Variants in RAC3 observed in about 807,000 individuals in gnomAD.
The protein encoded by RAC3 is Rac family small GTPase 3, also known as ras-related C3 botulinum toxin substrate 3.
Under a neutral mutation model 19.0 loss-of-function variants are expected in RAC3, and 9 were observed. The ratio of observed to expected loss-of-function variants is 0.47; its 90% CI spans 0.29 to 0.83. RAC3 has a LOEUF of 0.83. RAC3 is among the 40% of genes least tolerant of loss of function. The pLI is 0.09. For missense variants in RAC3, 203 were observed against 260.8 expected (o/e 0.78, Z 1.53); for synonymous variants, 146 against 111.8 (o/e 1.31, Z -1.93).
Position 82,033,702 on chromosome 17 carries a change from CTG to C in RAC3, c.455_456del (p.Val152GlufsTer18). The C allele has an allele frequency of 6.2e-7, 1 of 1,612,442 alleles. No homozygotes were observed. Among genetic ancestry groups the C allele is most frequent in the Non-Finnish European group, 8.5e-7 (1 of 1,179,378 alleles). On this transcript the variant is annotated frameshift_variant, in exon 6 of 6. Coordinates refer to ENST00000306897, the MANE Select transcript of RAC3 (RefSeq NM_005052.3). LOFTEE classifies it high-confidence loss of function. The surrounding 1 kb of genome is among the most constrained non-coding windows in gnomAD (Gnocchi z 6.2). ...CTCCCCTCCTCACTGCCGCTAGGCT[CTG>C]TGAAATACCTGGAGTGCTCAGCCCT...
At chr17:82,031,828 G>A in intron 1 of RAC3, 32 bp downstream of exon 1, 1 of 978,520 alleles carries the variant, frequency 1.0e-6, no homozygotes, top group Non-Finnish European at 1.2e-6. Context: ...CGCTTGGCTG[G>A]GCTGGGCGGG....
chr17:82,033,369 G>A lies in RAC3; in HGVS notation c.289-71G>A, dbSNP rs2043451911. On this transcript the variant is annotated intron_variant, in intron 4 of 5. Transcript: ENST00000306897. The surrounding 1 kb of genome is among the most constrained non-coding windows in gnomAD (Gnocchi z 6.2). The stretch of plus-strand genomic sequence containing the variant: ...GGAACAGTGGGGAAAGTCCCTGAGG[G>A]CCGTGACTTGCTCAGGTGGGGCTGG... 2 of 1,455,384 alleles carry A rather than the reference G, an allele frequency of 1.4e-6. No homozygotes were observed. The highest frequency in any genetic ancestry group is 2.5e-4 in the Middle Eastern group (1 of 4,034). The allele number at this position is 1,455,384 out of a possible 1,614,324, so 90.2% of individuals were successfully genotyped here.
intron 1 of RAC3, 82 bp downstream of exon 1, chr17:82,031,878 G>C (rs1215016345): frequency 6.6e-6 from 5 of 760,098 alleles, no homozygotes; most frequent in Non-Finnish European, 8.0e-6. Context: ...GGGGCGGGGC[G>C]GGGGTGGCGC....
chr17:82,033,881 T>A lies in RAC3; in HGVS notation c.*52T>A, dbSNP rs918572318. On this transcript the variant is annotated 3_prime_UTR_variant, in exon 6 of 6. Coordinates refer to ENST00000306897, the MANE Select transcript of RAC3 (RefSeq NM_005052.3). The surrounding 1 kb of genome is among the most constrained non-coding windows in gnomAD (Gnocchi z 6.2). ...CTGGCGGGGAGCAGCCCTGGACGTG[T>A]CCGCTGTTGTGTTGAGACGTGTGGT... 11 of 1,532,208 alleles carry A rather than the reference T, an allele frequency of 7.2e-6. No homozygotes were observed. The highest frequency in any genetic ancestry group is 3.7e-4 in the Middle Eastern group (2 of 5,372). The allele number at this position is 1,532,208 out of a possible 1,614,324, so 94.9% of individuals were successfully genotyped here. A position where few individuals can be genotyped will look rare whatever the true frequency, so the allele number is the denominator to read the frequency against.
chr17:82,033,298 C>A lies in RAC3; in HGVS notation c.289-142C>A. ...TGTTCCTGGTATCTCCCCACCAAATCCGCCCCTGGTCACCCCTTGAAGGAA... is the reference window on the plus strand; with the variant it reads ...TGTTCCTGGTATCTCCCCACCAAATACGCCCCTGGTCACCCCTTGAAGGAA... On this transcript the variant is annotated intron_variant, in intron 4 of 5. Transcript: ENST00000306897. The surrounding 1 kb of genome is among the most constrained non-coding windows in gnomAD (Gnocchi z 6.2). 1 of 1,069,900 alleles carries A rather than the reference C, an allele frequency of 9.3e-7. No individual in the cohort carries two copies. Among genetic ancestry groups the A allele is most frequent in the Non-Finnish European group, 1.3e-6 (1 of 765,300 alleles). The allele number at this position is 1,069,900 out of a possible 1,614,324, so 66.3% of individuals were successfully genotyped here.
chr17:82,033,975 C>A lies in RAC3; in HGVS notation c.*146C>A. On this transcript the variant is annotated 3_prime_UTR_variant, in exon 6 of 6. Coordinates refer to ENST00000306897, the MANE Select transcript of RAC3 (RefSeq NM_005052.3). This position sits in a 1 kb window ranked among gnomAD's most constrained non-coding sequence, Gnocchi z 6.2. ...GAAGCATGGGGATGAGGCTGGGTGGCAGGATCCTGTCCTCTCTGCCGCCTC... is the reference window on the plus strand; with the variant it reads ...GAAGCATGGGGATGAGGCTGGGTGGAAGGATCCTGTCCTCTCTGCCGCCTC... 8.9e-7 allele frequency: 1 copy of A among 1,121,344 alleles called. No homozygotes were observed. The highest frequency in any genetic ancestry group is 1.2e-6 in the Non-Finnish European group (1 of 804,898). 69.5% of individuals were successfully genotyped at this position (1,121,344 alleles called of 1,614,324 possible). A position where few individuals can be genotyped will look rare whatever the true frequency, so the allele number is the denominator to read the frequency against.
intron 2 of RAC3, 111 bp downstream of exon 2, chr17:82,032,569 C>T: frequency 2.1e-6 from 3 of 1,457,394 alleles, no homozygotes; most frequent in South Asian, 1.2e-5. Context: ...GTGGCCCTGT[C>T]TCTGGGCTTC....
In RAC3 at chr17:82,033,706, G is replaced by A. The variant is rs769229631; in HGVS notation, c.456G>A (p.Val152=). The A allele has an allele frequency of 6.2e-7, 1 of 1,612,560 alleles. No homozygotes were observed. The highest frequency in any genetic ancestry group is 8.5e-7 in the Non-Finnish European group (1 of 1,179,464). Residue 152 remains valine, a synonymous_variant, in exon 6 of 6, where the codon GTG becomes GTA. Transcript: ENST00000306897. This position sits in a 1 kb window ranked among gnomAD's most constrained non-coding sequence, Gnocchi z 6.2. ...CCTCCTCACTGCCGCTAGGCTCTGT[G>A]AAATACCTGGAGTGCTCAGCCCTGA... ...GLAMAREIGS[V]KYLECSALTQ... is the part of the protein sequence containing the mutation.
Position 82,032,435 on chromosome 17 carries a change from C to T in RAC3, c.84C>T (p.Phe28=). 1 of 1,613,072 alleles carries T rather than the reference C, an allele frequency of 6.2e-7. No homozygotes were observed. Among genetic ancestry groups the T allele is most frequent in the Non-Finnish European group, 8.5e-7 (1 of 1,179,976 alleles). Residue 28 remains phenylalanine (F), a synonymous_variant, in exon 2 of 6, where the codon TTC becomes TTT. Coordinates refer to ENST00000306897, the MANE Select transcript of RAC3 (RefSeq NM_005052.3). The part of the protein sequence containing the change: ...CLLISYTTNA[F]PGEYIPTVFD... Reference sequence around the variant, plus strand: ...TGATCAGCTACACGACCAACGCCTTCCCCGGAGAGTACATCCCCACCGTGT... The same window carrying T: ...TGATCAGCTACACGACCAACGCCTTTCCCGGAGAGTACATCCCCACCGTGT...
Position 82,032,153 on chromosome 17 carries a change from G to C in RAC3, c.36-234G>C. The C allele has an allele frequency of 7.1e-6, 4 of 561,242 alleles. No homozygotes were observed. In the South Asian group the frequency reaches 8.8e-5, roughly 12 times the overall value. 34.8% of individuals were successfully genotyped at this position (561,242 alleles called of 1,614,324 possible). On this transcript the variant is annotated intron_variant, in intron 1 of 5. Coordinates refer to ENST00000306897, the MANE Select transcript of RAC3 (RefSeq NM_005052.3). ...CGCCACCCTCGGAGTCGGGGCCTCT[G>C]CCTGGGGCCCCAGTGTGGGGCGCCC...
In RAC3 at chr17:82,033,521, G is replaced by A. The variant is rs1568019366; in HGVS notation, c.370G>A (p.Asp124Asn). Residue 124 changes from aspartate to asparagine, a missense_variant, in exon 5 of 6, where the codon GAC (aspartate) becomes AAC (asparagine). This residue lies in a region of RAC3 where 142 missense variants were observed against 158.2 expected (regional missense o/e 0.90). Coordinates refer to ENST00000306897, the MANE Select transcript of RAC3 (RefSeq NM_005052.3). This position sits in a 1 kb window ranked among gnomAD's most constrained non-coding sequence, Gnocchi z 6.2. ...CAAGCTGGACCTCCGCGACGACAAGGACACCATTGAGCGGCTGCGGGACAA... is the reference window on the plus strand; with the variant it reads ...CAAGCTGGACCTCCGCGACGACAAGAACACCATTGAGCGGCTGCGGGACAA... ...GTKLDLRDDK[D>N]TIERLRDKKL... 1 of 1,612,942 alleles carries A rather than the reference G, an allele frequency of 6.2e-7. No individual in the cohort carries two copies. The highest frequency in any genetic ancestry group is 1.7e-5 in the Admixed American group (1 of 60,006).
intron 1 of RAC3, 48 bp from the exon 2 acceptor site, chr17:82,032,339 A>G (rs1304854197): frequency 6.3e-7 from 1 of 1,590,368 alleles, no homozygotes; most frequent in African/African-American, 1.3e-5. Flanking sequence ...TGCTGGGCAG[A>G]GGGTCCGAGG....
intron 3 of RAC3, 50 bp from the exon 4 acceptor site, chr17:82,032,897 G>C: frequency 6.2e-7 from 1 of 1,610,438 alleles, no homozygotes; most frequent in East Asian, 2.2e-5. Flanking sequence ...GAGGGAGCAG[G>C]GCCCTGGGGA....
rs372849049 is a variant in RAC3 at position 82,033,805 on chromosome 17, G to T, written c.555G>T (p.Pro185=). 1 of 1,608,146 alleles carries T rather than the reference G, an allele frequency of 6.2e-7. No individual in the cohort carries two copies. The highest frequency in any genetic ancestry group is 1.1e-5 in the South Asian group (1 of 90,508). Residue 185 remains proline (P), a synonymous_variant, in exon 6 of 6, where the codon CCG becomes CCT. Coordinates refer to ENST00000306897, the MANE Select transcript of RAC3 (RefSeq NM_005052.3). This position sits in a 1 kb window ranked among gnomAD's most constrained non-coding sequence, Gnocchi z 6.2. ...TCTGCCCGCCCCCAGTGAAGAAGCCGGGGAAGAAGTGCACCGTCTTCTAGA... is the reference window on the plus strand; with the variant it reads ...TCTGCCCGCCCCCAGTGAAGAAGCCTGGGAAGAAGTGCACCGTCTTCTAGA... ...AVLCPPPVKK[P]GKKCTVF
In RAC3 at chr17:82,032,758, A is replaced by G. The variant is rs1282390054; in HGVS notation, c.155A>G (p.Asn52Ser). The G allele has an allele frequency of 6.2e-7, 1 of 1,613,022 alleles. No individual in the cohort carries two copies. The highest frequency in any genetic ancestry group is 1.3e-5 in the African/African-American group (1 of 74,942). Reference sequence around the variant, plus strand: ...GTGATGGTGGACGGGAAACCAGTCAACTTGGGGCTGTGGGACACAGCGGGT... The same window carrying G: ...GTGATGGTGGACGGGAAACCAGTCAGCTTGGGGCTGTGGGACACAGCGGGT... ...ANVMVDGKPV[N>S]LGLWDTAGQE... The change falls in exon 3 of 6, where the codon AAC becomes AGC. Residue 52 changes from asparagine to serine, a missense_variant. Asn to Ser is a conservative substitution (Grantham distance 46). This residue lies in a region of RAC3 where 49 missense variants were observed against 67.4 expected (regional missense o/e 0.73). Transcript: ENST00000306897.
rs770604174 is a variant in RAC3, at chr17:82,033,558, C to T, written c.407C>T (p.Pro136Leu). Residue 136 changes from proline to leucine, a missense_variant, in exon 5 of 6, where the codon CCC becomes CTC. By Grantham distance (98) the Pro-to-Leu change is moderately conservative. Coordinates refer to ENST00000306897, the MANE Select transcript of RAC3 (RefSeq NM_005052.3). The surrounding 1 kb of genome is among the most constrained non-coding windows in gnomAD (Gnocchi z 6.2). ...IERLRDKKLA[P>L]ITYPQGLAMA... is the part of the protein sequence containing the mutation. ...CGGCTGCGGGACAAGAAGCTGGCAC[C>T]CATCACCTACCCACAGGGCCTGGCC... is the stretch of plus-strand genomic sequence containing the variant. The T allele has an allele frequency of 6.2e-7, 1 of 1,612,706 alleles. No homozygotes were observed. The highest frequency in any genetic ancestry group is 8.5e-7 in the Non-Finnish European group (1 of 1,179,708).
In RAC3 at chr17:82,032,962, T is replaced by A. The variant is rs768840162; in HGVS notation, c.241T>A (p.Cys81Ser). 4.3e-6 allele frequency: 7 copies of A among 1,613,692 alleles called. No individual in the cohort carries two copies. The South Asian group carries it at 7.7e-5, about 18-fold the overall frequency. ...SYPQTDVFLI[C>S]FSLVSPASFE... ...TTTTCCCAAGGACGTCTTTCTGATC[T>A]GCTTCTCTCTGGTGAGCCCGGCCTC... The change falls in exon 4 of 6, where the codon TGC (cysteine) becomes AGC (serine). Residue 81 changes from cysteine (C) to serine (S), a missense_variant. Transcript: ENST00000306897.
intron 1 of RAC3, chr17:82,032,110 G>C (rs1173846839): frequency 6.2e-6 from 3 of 486,360 alleles, no homozygotes; most frequent in Non-Finnish European, 7.3e-6. Context: ...ACCCTCAGCC[G>C]GCCCCACCCT....
chr17:82,032,542 C>CTTCCAAG, intron 2 of RAC3, 84 bp downstream of exon 2: 1 of 1,530,524 alleles, frequency 6.5e-7, no homozygotes, highest in Non-Finnish European at 9.0e-7. Context: ...CTCCTCTGGG[C>CTTCCAAG]TTCCACGTCG....
Sources: gnomAD v4.1 joint callset for allele counts on GRCh38, gnomAD v4.1.1 for gene constraint, gnomAD v4.1.1 regional missense constraint, Gnocchi (gnomAD v3.1) non-coding constraint, MANE v1.5 for transcripts, NCBI Gene and HGNC (gene_info 2026-07-23, HGNC 2026-07-21) for gene names.